BAIAP2: variants seen among roughly 807,000 people sequenced by gnomAD.
The protein encoded by BAIAP2 is BAR/IMD domain-containing adapter protein 2.
BAIAP2 carries 18 observed loss-of-function variants against 63.0 expected under a neutral mutation model. The observed-to-expected ratio is 0.29, with a 90% CI of 0.20 to 0.42. The LOEUF (loss-of-function observed/expected upper bound fraction) is 0.42. Among genes scored for constraint, BAIAP2 ranks in the 10% least tolerant of loss-of-function variants. The pLI, the probability that BAIAP2 is intolerant of heterozygous loss-of-function variation, is 1.00. For synonymous variants in BAIAP2, 386 were observed against 307.6 expected (o/e 1.25, Z -2.67); for missense variants, 610 against 734.3 (o/e 0.83, Z 1.96).
At position 81,098,573 on chromosome 17, in the gene BAIAP2, C is replaced by T. The variant is rs77072512; in HGVS notation, c.490-1355C>T. 3.3e-5 allele frequency among the ~76,000 whole-genome samples: 5 copies of T among 152,354 alleles called. No individual in the cohort carries two copies. In the East Asian group the frequency reaches 9.6e-4, roughly 29 times the overall value. Reference sequence around the variant, plus strand: ...CTCCAGAACTTTCCATCTTCCCAAACTAAAGCTCTTAGTACCCTCCGTCCT... The same window carrying T: ...CTCCAGAACTTTCCATCTTCCCAAATTAAAGCTCTTAGTACCCTCCGTCCT... On this transcript the variant is annotated intron_variant, in intron 6 of 13. Coordinates refer to ENST00000428708, the MANE Select transcript of BAIAP2 (RefSeq NM_001144888.2).
intron 3 of BAIAP2, among the ~76,000 whole-genome samples, chr17:81,078,432 C>G (rs898587228): frequency 7.4e-6 from 1 of 134,642 alleles, no homozygotes; most frequent in Non-Finnish European, 1.6e-5. Context: ...GGTGCCATCT[C>G]GGAGCTGGGT....
intron 6 of BAIAP2, among the ~76,000 whole-genome samples, chr17:81,096,993 G>A (rs2057738969): frequency 6.6e-6 from 1 of 152,172 alleles, no homozygotes; most frequent in Non-Finnish European, 1.5e-5. Context: ...GGAGGAGGAG[G>A]AGGCAGCGGC....
intron 1 of BAIAP2, among the ~76,000 whole-genome samples, chr17:81,049,878 C>A (rs1014124558): frequency 5.3e-5 from 8 of 152,230 alleles, no homozygotes; most frequent in Non-Finnish European, 8.8e-5. Context: ...CCACAGTGGG[C>A]TCTCCTCAGG....
chr17:81,041,056 C>T (rs1418039623), intron 1 of BAIAP2, among the ~76,000 whole-genome samples: 1 of 152,228 alleles, frequency 6.6e-6, no homozygotes, highest in African/African-American at 2.4e-5. Flanking sequence ...CCCCCAGCAC[C>T]TCCCTCAAGT....
intron 13 of BAIAP2, chr17:81,110,620 C>T (rs768620617): frequency 3.1e-5 from 39 of 1,242,764 alleles, no homozygotes; most frequent in Non-Finnish European, 3.9e-5. Flanking sequence ...CAGTCGCCTG[C>T]TAGATAACCT....
At chr17:81,074,015 C>T (rs2053181282) in intron 3 of BAIAP2, among the ~76,000 whole-genome samples, 1 of 152,236 alleles carries the variant, frequency 6.6e-6, no homozygotes, top group Non-Finnish European at 1.5e-5. Context: ...CGTGCCAACG[C>T]AACACAGCGG....
intron 2 of BAIAP2, among the ~76,000 whole-genome samples, chr17:81,054,565 G>A (rs372147986): frequency 1.2e-4 from 18 of 152,318 alleles, no homozygotes; most frequent in Non-Finnish European, 2.6e-4. Flanking sequence ...GAGGGGTGCG[G>A]ATGTCAGTCC....
At chr17:81,068,817 G>A (rs541211993) in intron 3 of BAIAP2, among the ~76,000 whole-genome samples, 63 of 152,336 alleles carry the variant, frequency 4.1e-4, no homozygotes, top group African/African-American at 1.1e-3. Flanking sequence ...GGTTGCCAGT[G>A]TCTCTGTCCA....
chr17:81,048,159 C>T (rs936447505), intron 1 of BAIAP2, among the ~76,000 whole-genome samples: 1 of 152,032 alleles, frequency 6.6e-6, no homozygotes, highest in Admixed American at 6.6e-5. Context: ...CTGAGGCGGG[C>T]GGATCGCTTG....
chr17:81,100,704 C>G (rs1211870910), intron 7 of BAIAP2, among the ~76,000 whole-genome samples: 1 of 152,194 alleles, frequency 6.6e-6, no homozygotes, highest in Non-Finnish European at 1.5e-5. Context: ...CCTGCCACCC[C>G]TCACCCAACC....
rs150398192 is a variant in BAIAP2 at position 81,103,627 on chromosome 17, C to G, written c.768C>G (p.Ser256Arg). 1.2e-6 allele frequency: 2 copies of G among 1,605,778 alleles called. No individual in the cohort carries two copies. The highest frequency in any genetic ancestry group is 4.5e-5 in the East Asian group (2 of 44,806). Residue 256 changes from serine (S) to arginine (R), a missense_variant, in exon 8 of 14, where the codon AGC becomes AGG. Around this residue, in one of 5 missense-constraint regions of BAIAP2, gnomAD observed 389 missense variants for 455.6 expected, o/e 0.85. Transcript: ENST00000428708. ...CCAGCAACGGCGCCACCCTCCCCAG[C>G]GCCCTGTCGGCCTCCAAGTCCAACC... ...QVASNGATLP[S>R]ALSASKSNLV...
chr17:81,090,188 G>A (rs2056466979), intron 6 of BAIAP2, among the ~76,000 whole-genome samples: 2 of 152,218 alleles, frequency 1.3e-5, no homozygotes, highest in Admixed American at 6.5e-5. Flanking sequence ...TATGGGTCAT[G>A]TGGCCGCAGC....
intron 3 of BAIAP2, chr17:81,076,402 G>A (rs2053667064): frequency 6.6e-6 from 1 of 152,190 alleles, no homozygotes; most frequent in Admixed American, 6.5e-5. Flanking sequence ...CCTCCCAAAA[G>A]GTCAAGGGTG....
intron 3 of BAIAP2, among the ~76,000 whole-genome samples, chr17:81,077,651 A>G (rs1310576945): frequency 6.6e-6 from 1 of 151,968 alleles, no homozygotes; most frequent in Non-Finnish European, 1.5e-5. Flanking sequence ...GGGAGGACGG[A>G]TGCTTGGGCT....
intron 6 of BAIAP2, chr17:81,097,762 A>G (rs1049939395): frequency 4.9e-6 from 1 of 203,216 alleles, no homozygotes; most frequent in African/African-American, 2.3e-5. Flanking sequence ...GCAGAGGAGA[A>G]GCTGGCTCCC....
chr17:81,076,907 G>A (rs9908480), intron 3 of BAIAP2, among the ~76,000 whole-genome samples: 1 of 151,920 alleles, frequency 6.6e-6, no homozygotes, highest in Non-Finnish European at 1.5e-5. Context: ...GGAGTTGGAG[G>A]CAGCAGTGAG....
At chr17:81,097,535 G>T (rs1490932753) in intron 6 of BAIAP2, 1 of 152,270 alleles carries the variant, frequency 6.6e-6, no homozygotes, top group Non-Finnish European at 1.5e-5. Flanking sequence ...CGGGGCGGCC[G>T]CGAGGCTGAG....
chr17:81,114,170 G>A (rs1353842701), intron 13 of BAIAP2, among the ~76,000 whole-genome samples: 5 of 141,452 alleles, frequency 3.5e-5, no homozygotes, highest in East Asian at 2.0e-4. Context: ...AGACGGGTAC[G>A]CTTTGCTGCC....
chr17:81,103,844 T>C, intron 8 of BAIAP2, 63 bp from the exon 9 acceptor site: 1 of 1,601,962 alleles, frequency 6.2e-7, no homozygotes, highest in African/African-American at 1.3e-5. Flanking sequence ...GAGGGTTCTC[T>C]TTCCCCCTGG....
Sources: gnomAD v4.1 joint callset for allele counts (sites outside exome capture counted in the v4.1 genomes callset) on GRCh38, gnomAD v4.1.1 for gene constraint, gnomAD v4.1.1 regional missense constraint, MANE v1.5 for transcripts, NCBI Gene and HGNC (gene_info 2026-07-23, HGNC 2026-07-21) for gene names.